ZNF875: variants seen among roughly 807,000 people sequenced by gnomAD.
ZNF875 encodes the protein zinc finger protein 875.
ZNF875 carries 14 observed loss-of-function variants against 11.2 expected under a neutral mutation model. The observed-to-expected ratio is 1.26, with a 90% confidence interval of 0.83 to 1.96. The LOEUF (loss-of-function observed/expected upper bound fraction) is 1.96. Ranked by LOEUF, ZNF875 falls within the 30% of genes most tolerant of loss-of-function variation. The pLI is 0.00. For missense variants in ZNF875, 752 were observed against 760.4 expected, an observed-to-expected ratio of 0.99 and a Z score of 0.13; for synonymous variants, 301 against 281.1, an observed-to-expected ratio of 1.07 and a Z score of -0.71.
At chr19:37,319,258 C>T (rs1599846315) in intron 1 of ZNF875, among the ~76,000 whole-genome samples, 2 of 149,470 alleles carry the variant, frequency 1.3e-5, no homozygotes, top group Middle Eastern at 3.5e-3. Context: ...GTTGGTCAAG[C>T]TGGTTTCGAA....
intron 4 of ZNF875, among the ~76,000 whole-genome samples, chr19:37,355,937 T>C (rs1335264145): frequency 6.6e-6 from 1 of 152,200 alleles, no homozygotes; most frequent in Non-Finnish European, 1.5e-5. Context: ...TCCATCCTTT[T>C]TCCCCTGTTT....
chr19:37,334,549 TCTC>T (rs373897121), upstream of ZNF875: 181 of 370,694 alleles, frequency 4.9e-4, no homozygotes, highest in African/African-American at 3.2e-3. Flanking sequence ...AAAGCCGACT[TCTC>T]CGCCTCTGTA....
intron 2 of ZNF875, among the ~76,000 whole-genome samples, chr19:37,336,129 A>G (rs1415907409): frequency 1.1e-4 from 16 of 152,106 alleles, no homozygotes; most frequent in Admixed American, 9.8e-4. Flanking sequence ...ATGGTTAGGG[A>G]GGCCTCCTAG....
rs964209827 is a variant in ZNF875, at chr19:37,363,496, C to T, written c.1644C>T (p.Asn548=). The stretch of plus-strand genomic sequence containing the variant: ...GCAGAAGGTTTCGGCAGAAGCCTAA[C>T]CTGTTTAGGCACAAGAGGGCACACT... ...ECGRRFRQKP[N]LFRHKRAHSG... is the part of the protein sequence containing the mutation. The change falls in exon 5 of 5, where the codon AAC becomes AAT. Residue 548 remains asparagine, a synonymous_variant. Coordinates refer to ENST00000392153, the MANE Select transcript of ZNF875 (RefSeq NM_001353803.2). 5.0e-6 allele frequency: 8 copies of T among 1,613,418 alleles called. No individual in the cohort carries two copies. Among genetic ancestry groups the T allele is most frequent in the Non-Finnish European group, 5.9e-6 (7 of 1,179,698 alleles).
upstream of ZNF875, among the ~76,000 whole-genome samples, chr19:37,314,362 C>A (rs2030091865): frequency 6.6e-6 from 1 of 152,160 alleles, no homozygotes; most frequent in Non-Finnish European, 1.5e-5. Context: ...ATGATACTCC[C>A]ACCTTGGCCT....
chr19:37,350,049 C>T (rs983898426), intron 4 of ZNF875, among the ~76,000 whole-genome samples: 1 of 142,342 alleles, frequency 7.0e-6, no homozygotes, highest in Non-Finnish European at 1.5e-5. Flanking sequence ...ACTGCAACCT[C>T]CGCCTATCAG....
At chr19:37,339,762 AC>A (rs1170548058) in intron 2 of ZNF875, among the ~76,000 whole-genome samples, 1 of 151,606 alleles carries the variant, frequency 6.6e-6, no homozygotes, top group Non-Finnish European at 1.5e-5. Context: ...ACAGGGTTTC[AC>A]CATATTGGCC....
At chr19:37,333,584 T>G (rs1184570031), upstream of ZNF875, among the ~76,000 whole-genome samples, 1 of 152,160 alleles carries the variant, frequency 6.6e-6, no homozygotes, top group Non-Finnish European at 1.5e-5. Flanking sequence ...ATGATAGGTC[T>G]TGGAGGTGCC....
rs537916255 is a variant in ZNF875 at position 37,357,090 on chromosome 19, A to G, written c.257-5019A>G. ...TTATTGAATAGGGTGTCCTTTCCCC[A>G]TTGTTTATTTCTGTCAGCTTTCTCG... On this transcript the variant is annotated intron_variant, in intron 4 of 4. Coordinates refer to ENST00000392153, the MANE Select transcript of ZNF875 (RefSeq NM_001353803.2). Among the ~76,000 whole-genome samples, 17 of 152,210 alleles carry G rather than the reference A, an allele frequency of 1.1e-4. No individual in the cohort carries two copies. In the South Asian group the frequency reaches 3.1e-3, roughly 28 times the overall value.
At chr19:37,332,518 A>G (rs2033560805), upstream of ZNF875, among the ~76,000 whole-genome samples, 1 of 152,050 alleles carries the variant, frequency 6.6e-6, no homozygotes, top group Non-Finnish European at 1.5e-5. Flanking sequence ...TGCCTGGCCA[A>G]CTTCTTGCTC....
At chr19:37,331,012 C>T (rs750674117), upstream of ZNF875, among the ~76,000 whole-genome samples, 20 of 151,804 alleles carry the variant, frequency 1.3e-4, no homozygotes, top group South Asian at 4.2e-4. Flanking sequence ...TGGTGAAACC[C>T]GATCTCTACT....
chr19:37,362,389 C>T lies in ZNF875; in HGVS notation c.537C>T (p.Ser179=), dbSNP rs966664188. The change falls in exon 5 of 5, where the codon AGC becomes AGT. Residue 179 remains serine (S), a synonymous_variant. Transcript: ENST00000392153. ...ATGGCACTTCAAAGGCACTTTCCAG[C>T]CCACCTGAAGAACAACAGCCAGCAC... is the stretch of plus-strand genomic sequence containing the variant. ...SKNGTSKALS[S]PPEEQQPAQS... The T allele has an allele frequency of 3.7e-6, 6 of 1,613,954 alleles. No individual in the cohort carries two copies. Among genetic ancestry groups the T allele is most frequent in the Non-Finnish European group, 5.1e-6 (6 of 1,180,030 alleles).
intron 1 of ZNF875, among the ~76,000 whole-genome samples, chr19:37,319,838 C>T (rs778279574): frequency 2.0e-5 from 3 of 152,166 alleles, no homozygotes; most frequent in Non-Finnish European, 4.4e-5. Flanking sequence ...TCAGCTCTTT[C>T]ATGAGCAGCC....
chr19:37,348,258 A>G (rs894886303), intron 4 of ZNF875, among the ~76,000 whole-genome samples: 1 of 152,208 alleles, frequency 6.6e-6, no homozygotes, highest in Non-Finnish European at 1.5e-5. Flanking sequence ...TCCAATTCCC[A>G]TAACTTATTA....
intron 2 of ZNF875, among the ~76,000 whole-genome samples, chr19:37,342,703 C>T (rs989848210): frequency 6.6e-6 from 1 of 152,138 alleles, no homozygotes; most frequent in Non-Finnish European, 1.5e-5. Context: ...TGAGCCACCA[C>T]GCCTGGCCCA....
At position 37,341,401 on chromosome 19, in the gene ZNF875, A is replaced by G. The variant is rs141434729; in HGVS notation, c.34-5789A>G. Among the ~76,000 whole-genome samples, 382 of 152,336 alleles carry G rather than the reference A, an allele frequency of 2.5e-3. 1 individual carries two copies. The highest frequency in any genetic ancestry group is 8.5e-3 in the African/African-American group (354 of 41,570). On this transcript the variant is annotated intron_variant, in intron 2 of 4. Transcript: ENST00000392153. ...GGCTGGAGGACTATCCATGTGTGAC[A>G]GGAAGCTGGTTGGCTGGGGTGCCTA...
chr19:37,351,765 T>C (rs374261417), intron 4 of ZNF875, among the ~76,000 whole-genome samples: 9 of 152,218 alleles, frequency 5.9e-5, no homozygotes, highest in African/African-American at 1.7e-4. Context: ...TTGTATTTTG[T>C]TGAGAGAATG....
At chr19:37,324,362 C>T (rs1599873805) in intron 4 of ZNF875, 1 of 152,284 alleles carries the variant, frequency 6.6e-6, no homozygotes, top group Non-Finnish European at 1.5e-5. Flanking sequence ...CTTGTTCAGA[C>T]CTCAGCATAT....
upstream of ZNF875, among the ~76,000 whole-genome samples, chr19:37,314,642 T>C (rs1052011503): frequency 2.0e-5 from 3 of 151,312 alleles, no homozygotes; most frequent in Non-Finnish European, 2.9e-5. Flanking sequence ...CTAGCCAACA[T>C]GGTGAAACAC....
Sources: gnomAD v4.1 joint callset for allele counts (sites outside exome capture counted in the v4.1 genomes callset) on GRCh38, gnomAD v4.1.1 for gene constraint, MANE v1.5 for transcripts, NCBI Gene and HGNC (gene_info 2026-07-23, HGNC 2026-07-21) for gene names.